DAB1: variants seen among roughly 807,000 people sequenced by gnomAD.
DAB1 encodes the protein DAB adaptor protein 1.
In DAB1, 15 loss-of-function variants were observed where a neutral mutation model predicts 64.6. The ratio of observed to expected loss-of-function variants is 0.23; its 90% CI spans 0.16 to 0.36. The LOEUF (loss-of-function observed/expected upper bound fraction) is 0.36, where lower values mean the gene tolerates loss of function less well. Among genes scored for constraint, DAB1 ranks in the 10% least tolerant of loss-of-function variants. The pLI, the probability that DAB1 is intolerant of heterozygous loss-of-function variation, is 1.00. For missense variants in DAB1, 596 were observed against 706.7 expected, an observed-to-expected ratio of 0.84 and a Z score of 1.78; for synonymous variants, 235 against 251.9, an observed-to-expected ratio of 0.93 and a Z score of 0.64.
intron 9 of DAB1, among the ~76,000 whole-genome samples, chr1:57,033,101 T>C (rs55841159): frequency 0.017 from 2,517 of 152,154 alleles, 62 homozygotes; most frequent in African/African-American, 0.057. Context: ...CTGGGACATG[T>C]TAGAGGTTTG....
chr1:57,189,566 C>A (rs1663928224), intron 2 of DAB1, among the ~76,000 whole-genome samples: 1 of 152,112 alleles, frequency 6.6e-6, no homozygotes, highest in Non-Finnish European at 1.5e-5. Flanking sequence ...AAGCCCTTAC[C>A]ACCTGCTTTC....
chr1:58,178,872 C>A (rs1656630154), intron 4 of DAB1, among the ~76,000 whole-genome samples: 1 of 152,016 alleles, frequency 6.6e-6, no homozygotes, highest in Non-Finnish European at 1.5e-5. Flanking sequence ...ATGGGGAGAC[C>A]AGACTTCCTA....
intron 5 of DAB1, among the ~76,000 whole-genome samples, chr1:58,037,845 G>C (rs532309716): frequency 6.6e-6 from 1 of 152,248 alleles, no homozygotes; most frequent in Admixed American, 6.5e-5. Flanking sequence ...TAATAGATCA[G>C]GTTCATATCA....
At chr1:58,491,399 A>T (rs1214723710) in intron 3 of DAB1, among the ~76,000 whole-genome samples, 1 of 152,170 alleles carries the variant, frequency 6.6e-6, no homozygotes, top group East Asian at 1.9e-4. Context: ...GACAGGATCA[A>T]ATTCACACAT....
At position 57,181,215 on chromosome 1, in the gene DAB1, G is replaced by A. The variant is rs371314177; in HGVS notation, c.68-35786C>T. ...GCAGCTGTAGGGAAAGGAATCCAGT[G>A]GTGTAAATAAAATGTCCCACAGTCC... On this transcript the variant is annotated intron_variant, in intron 2 of 14. Transcript: ENST00000371236. Among the ~76,000 whole-genome samples, 8 of 152,062 alleles carry A rather than the reference G, an allele frequency of 5.3e-5. No individual in the cohort carries two copies. The East Asian group carries it at 1.6e-3, about 29-fold the overall frequency.
At position 57,894,092 on chromosome 1, in the gene DAB1, G is replaced by A. The variant is rs1482761236; in HGVS notation, n.388-9930C>T. 1.4e-4 allele frequency among the ~76,000 whole-genome samples: 22 copies of A among 152,040 alleles called. 1 individual carries two copies. Among genetic ancestry groups the A allele is most frequent in the Admixed American group, 1.4e-3 (22 of 15,212 alleles). ...CCCAAGGGAAGAATCAGGGGAGAAG[G>A]GACACCTGTCCCCGGAAGTATGCCA... On this transcript the variant is annotated intron_variant and non_coding_transcript_variant, in intron 5 of 20. Coordinates refer to the DAB1 transcript ENST00000485760.
At chr1:58,256,340 C>T (rs909228509) in intron 4 of DAB1, among the ~76,000 whole-genome samples, 3 of 152,202 alleles carry the variant, frequency 2.0e-5, no homozygotes, top group African/African-American at 4.8e-5. Flanking sequence ...CAACTACGAG[C>T]TTCTTTCTCC....
intron 7 of DAB1, among the ~76,000 whole-genome samples, chr1:57,470,787 A>G (rs767343794): frequency 2.4e-4 from 37 of 152,254 alleles, no homozygotes; most frequent in Non-Finnish European, 4.4e-4. Flanking sequence ...TATAGCCATT[A>G]GAATAAAATT....
At chr1:58,543,261 T>G (rs1047913293) in intron 1 of DAB1, among the ~76,000 whole-genome samples, 11 of 152,348 alleles carry the variant, frequency 7.2e-5, no homozygotes, top group African/African-American at 2.6e-4. Context: ...TTTGTTTTTG[T>G]AAATTGACAG....
chr1:58,199,210 A>T (rs1304387816), intron 4 of DAB1, among the ~76,000 whole-genome samples: 1 of 152,222 alleles, frequency 6.6e-6, no homozygotes, highest in Non-Finnish European at 1.5e-5. Context: ...TGAGCCAAGA[A>T]TGTGAAAAAG....
chr1:57,788,294 G>A (rs186705809), intron 6 of DAB1, among the ~76,000 whole-genome samples: 69 of 152,152 alleles, frequency 4.5e-4, no homozygotes, highest in African/African-American at 1.4e-3. Context: ...CTGAGGAATG[G>A]GTAAAAAAAC....
rs545743407 is a variant in DAB1 at position 57,461,943 on chromosome 1, CT to C, written n.626-170778del. 4.9e-3 allele frequency among the ~76,000 whole-genome samples: 496 copies of C among 100,284 alleles called. 5 individuals are homozygous for C. The highest frequency in any genetic ancestry group is 0.013 in the African/African-American group (340 of 26,850). The allele number at this position is 100,284 out of a possible 152,430, so 65.8% of individuals were successfully genotyped here. A position where few individuals can be genotyped will look rare whatever the true frequency, so the allele number is the denominator to read the frequency against. On this transcript the variant is annotated intron_variant and non_coding_transcript_variant, in intron 7 of 20. Coordinates refer to the DAB1 transcript ENST00000485760. ...GAATACATAAAGGATAAGATATACT[CT>C]TTTTTTTTTTTTTTTTTTTTTTTTT...
At chr1:57,145,830 C>T (rs1260290748) in intron 2 of DAB1, among the ~76,000 whole-genome samples, 1 of 152,142 alleles carries the variant, frequency 6.6e-6, no homozygotes, top group Non-Finnish European at 1.5e-5. Context: ...ATATGAGCAC[C>T]GAGTCTCTGG....
chr1:57,176,206 T>C (rs923911344), intron 2 of DAB1, among the ~76,000 whole-genome samples: 1 of 152,076 alleles, frequency 6.6e-6, no homozygotes, highest in Non-Finnish European at 1.5e-5. Flanking sequence ...TTCTGTATTG[T>C]ATTAGTCCGT....
chr1:58,029,511 G>C (rs563578575), intron 5 of DAB1, among the ~76,000 whole-genome samples: 2 of 152,328 alleles, frequency 1.3e-5, no homozygotes, highest in African/African-American at 4.8e-5. Flanking sequence ...ACCTTAAAAG[G>C]GGAGGGGGCT....
intron 3 of DAB1, among the ~76,000 whole-genome samples, chr1:58,504,559 TG>T (rs1645957021): frequency 6.6e-6 from 1 of 152,238 alleles, no homozygotes; most frequent in African/African-American, 2.4e-5. Context: ...ACTATATGTT[TG>T]TTTCTTATTT....
intron 1 of DAB1, chr1:57,307,134 A>G (rs1256363708): frequency 6.6e-6 from 1 of 152,122 alleles, no homozygotes; most frequent in Admixed American, 6.5e-5. Flanking sequence ...CTCATTTGAC[A>G]TTTCCTTTCT....
chr1:57,540,241 C>T (rs187300450), intron 7 of DAB1, among the ~76,000 whole-genome samples: 1 of 152,098 alleles, frequency 6.6e-6, no homozygotes, highest in Non-Finnish European at 1.5e-5. Context: ...AAAACCACAA[C>T]ATGATATCAT....
chr1:57,823,604 C>T (rs978965408), downstream of DAB1, among the ~76,000 whole-genome samples: 2 of 152,148 alleles, frequency 1.3e-5, no homozygotes, highest in Non-Finnish European at 2.9e-5. Context: ...GTACATAATT[C>T]ATTTTTGTAT....
Sources: allele counts gnomAD v4.1 joint callset (sites outside exome capture counted in the v4.1 genomes callset), GRCh38; gene constraint gnomAD v4.1.1; transcripts MANE v1.5; gene names NCBI Gene and HGNC (gene_info 2026-07-23, HGNC 2026-07-21).